The following SMAP1 variants were observed in gnomAD, a reference collection of about 807,000 sequenced individuals.
The protein encoded by SMAP1 is small ArfGAP 1, also known as stromal membrane-associated protein 1.
In SMAP1, 24 loss-of-function variants were observed where a neutral mutation model predicts 58.5. That is an observed-to-expected ratio of 0.41 (90% CI 0.30 to 0.58). SMAP1 has a LOEUF of 0.58. SMAP1 is among the 20% of genes least tolerant of loss of function. The probability of loss-of-function intolerance (pLI) is 0.29; values close to 1 mark genes in which losing one functional copy is unlikely to be tolerated. For missense variants in SMAP1, 563 were observed against 566.3 expected (o/e 0.99, Z 0.06); for synonymous variants, 216 against 196.6 (o/e 1.10, Z -0.82).
At chr6:70,753,552 C>T (rs2149887780) in intron 2 of SMAP1, among the ~76,000 whole-genome samples, 1 of 152,106 alleles carries the variant, frequency 6.6e-6, no homozygotes, top group East Asian at 1.9e-4. Flanking sequence ...TTTCGATTTT[C>T]AGGAAGGGTG....
chr6:70,769,095 A>C (rs577252434), intron 3 of SMAP1, among the ~76,000 whole-genome samples: 15 of 152,192 alleles, frequency 9.9e-5, no homozygotes, highest in African/African-American at 3.6e-4. Context: ...TTCTAGTTTG[A>C]TTGCACTGTG....
chr6:70,736,394 TC>T (rs1179416362), intron 2 of SMAP1, among the ~76,000 whole-genome samples: 1 of 151,742 alleles, frequency 6.6e-6, no homozygotes, highest in African/African-American at 2.4e-5. Context: ...TTCCTTCCCC[TC>T]CCCCCACCCA....
intron 7 of SMAP1, among the ~76,000 whole-genome samples, chr6:70,840,055 G>T (rs981589621): frequency 6.6e-6 from 1 of 152,154 alleles, no homozygotes; most frequent in African/African-American, 2.4e-5. Flanking sequence ...GGGATTGGGG[G>T]CGTAGGTGCC....
intron 1 of SMAP1, among the ~76,000 whole-genome samples, chr6:70,688,293 G>C (rs888772200): frequency 6.6e-6 from 1 of 152,094 alleles, no homozygotes; most frequent in South Asian, 2.1e-4. Context: ...TGTGGATGTA[G>C]GTTTTTATTT....
chr6:70,711,077 A>G (rs1307494131), intron 1 of SMAP1, among the ~76,000 whole-genome samples: 2 of 152,146 alleles, frequency 1.3e-5, no homozygotes, highest in East Asian at 3.8e-4. Context: ...ACCTGAGGCT[A>G]TTTTACAGTT....
intron 1 of SMAP1, among the ~76,000 whole-genome samples, chr6:70,680,597 A>C (rs1215140030): frequency 6.6e-6 from 1 of 152,162 alleles, no homozygotes; most frequent in Non-Finnish European, 1.5e-5. Context: ...CAGTGGAATA[A>C]TGTTTTACAG....
intron 1 of SMAP1, among the ~76,000 whole-genome samples, chr6:70,676,486 C>G (rs1766487284): frequency 1.3e-5 from 2 of 152,076 alleles, no homozygotes; most frequent in African/African-American, 4.8e-5. Flanking sequence ...ACTGTAGAGT[C>G]AGGATTTGAG....
chr6:70,785,438 A>G (rs1240321870), intron 4 of SMAP1, among the ~76,000 whole-genome samples: 1 of 152,332 alleles, frequency 6.6e-6, no homozygotes, highest in Middle Eastern at 3.4e-3. Flanking sequence ...CAGAGGCAAG[A>G]AATAACTAAA....
intron 5 of SMAP1, among the ~76,000 whole-genome samples, chr6:70,797,301 CCTTTTT>C (rs1295333844): frequency 2.6e-5 from 4 of 151,942 alleles, no homozygotes; most frequent in African/African-American, 9.7e-5. Context: ...GTTCTTAGTG[CCTTTTT>C]CTTTTTAGTG....
At chr6:70,729,445 A>AG (rs1262874742) in intron 1 of SMAP1, among the ~76,000 whole-genome samples, 3 of 122,674 alleles carry the variant, frequency 2.4e-5, no homozygotes, top group Non-Finnish European at 5.4e-5. Context: ...TCTCAAAAAA[A>AG]AAAAAAAAGA....
intron 7 of SMAP1, 62 bp from the exon 8 acceptor site, chr6:70,852,478 A>G: frequency 1.5e-6 from 2 of 1,361,980 alleles, no homozygotes; most frequent in East Asian, 5.5e-5. Context: ...TTTTAAAATA[A>G]TGCCATGTTT....
At position 70,725,093 on chromosome 6, in the gene SMAP1, G is replaced by GTTT. The variant is rs745587315; in HGVS notation, c.119-7246_119-7244dup. Among the ~76,000 whole-genome samples, 23 of 47,822 alleles carry GTTT rather than the reference G, an allele frequency of 4.8e-4. 9 individuals are homozygous for GTTT. The highest frequency in any genetic ancestry group is 7.3e-4 in the Admixed American group (2 of 2,754). 31.4% of individuals were successfully genotyped at this position (47,822 alleles called of 152,430 possible). A position where few individuals can be genotyped will look rare whatever the true frequency, so the allele number is the denominator to read the frequency against. The stretch of plus-strand genomic sequence containing the variant: ...GACTCCATATCCTAAATTAACCAGT[G>GTTT]TTTTTTTTTTTTTTTTTTTTTTTTT... On this transcript the variant is annotated intron_variant, in intron 1 of 10. Coordinates refer to ENST00000370455, the MANE Select transcript of SMAP1 (RefSeq NM_001044305.3).
At chr6:70,738,353 A>G (rs1294751095) in intron 2 of SMAP1, among the ~76,000 whole-genome samples, 1 of 152,138 alleles carries the variant, frequency 6.6e-6, no homozygotes, top group Admixed American at 6.5e-5. Flanking sequence ...CATAAGTCAA[A>G]AGAGTGTGAA....
At chr6:70,742,819 G>A (rs548273468) in intron 2 of SMAP1, among the ~76,000 whole-genome samples, 1 of 152,178 alleles carries the variant, frequency 6.6e-6, no homozygotes, top group Non-Finnish European at 1.5e-5. Context: ...CATGGCAGAA[G>A]GTGAAAGGCA....
intron 6 of SMAP1, among the ~76,000 whole-genome samples, chr6:70,802,052 A>G (rs562248762): frequency 2.5e-4 from 38 of 152,326 alleles, no homozygotes; most frequent in African/African-American, 8.9e-4. Flanking sequence ...TTCTGTGAAG[A>G]AAGTCATTGG....
chr6:70,801,872 A>C (rs542977184), intron 6 of SMAP1, among the ~76,000 whole-genome samples: 3 of 152,102 alleles, frequency 2.0e-5, no homozygotes, highest in African/African-American at 7.2e-5. Context: ...CCATTGGTCT[A>C]TCTCTCTGTT....
chr6:70,694,436 A>C (rs2149821670), intron 1 of SMAP1: 1 of 154,542 alleles, frequency 6.5e-6, no homozygotes, highest in Middle Eastern at 3.3e-3. Context: ...GATGTACTTG[A>C]AGAAGGAAAA....
chr6:70,783,608 G>A (rs1193778769), intron 4 of SMAP1, among the ~76,000 whole-genome samples: 1 of 152,216 alleles, frequency 6.6e-6, no homozygotes, highest in East Asian at 1.9e-4. Context: ...AGTGCTTAAA[G>A]GAGCTGATGG....
intron 7 of SMAP1, among the ~76,000 whole-genome samples, chr6:70,843,738 T>C (rs1421935208): frequency 6.6e-6 from 1 of 152,188 alleles, no homozygotes; most frequent in Non-Finnish European, 1.5e-5. Context: ...TACCTGGGTT[T>C]TGTCTGCCCT....
Sources: allele counts gnomAD v4.1 joint callset (sites outside exome capture counted in the v4.1 genomes callset), GRCh38; gene constraint gnomAD v4.1.1; transcripts MANE v1.5; gene names NCBI Gene and HGNC (gene_info 2026-07-23, HGNC 2026-07-21).